The following SLC1A1 variants were observed in gnomAD, a reference collection of about 807,000 sequenced individuals.
The protein encoded by SLC1A1 is solute carrier family 1 member 1.
A neutral mutation model predicts 53.3 loss-of-function variants in SLC1A1; 43 were observed. The observed-to-expected ratio is 0.81, with a 90% CI of 0.63 to 1.04. SLC1A1 has a LOEUF of 1.04. Among genes scored for constraint, SLC1A1 ranks in the 50% least tolerant of loss-of-function variants. The probability of loss-of-function intolerance (pLI) is 0.00; values close to 1 mark genes in which losing one functional copy is unlikely to be tolerated. For synonymous variants in SLC1A1, 307 were observed against 243.2 expected (o/e 1.26, Z -2.44); for missense variants, 748 against 664.9 (o/e 1.12, Z -1.37).
rs772885883 is a variant in SLC1A1 at position 4,576,775 on chromosome 9, T to C, written c.1193+12T>C. 3 of 1,611,362 alleles carry C rather than the reference T, an allele frequency of 1.9e-6. No individual in the cohort carries two copies. Among genetic ancestry groups the C allele is most frequent in the Non-Finnish European group, 2.5e-6 (3 of 1,177,980 alleles). ...ATCATCACCATCAGGTGGGGCATGGTGTCACATTCATTGTCATCACTGATA... is the reference window on the plus strand; with the variant it reads ...ATCATCACCATCAGGTGGGGCATGGCGTCACATTCATTGTCATCACTGATA... On this transcript the variant is annotated intron_variant, in intron 10 of 11. Transcript: ENST00000262352.
Position 4,585,605 on chromosome 9 carries a change from A to G in SLC1A1, c.*47A>G. The G allele has an allele frequency of 6.2e-7, 1 of 1,612,240 alleles. No individual in the cohort carries two copies. Among genetic ancestry groups the G allele is most frequent in the Admixed American group, 1.7e-5 (1 of 60,026 alleles). On this transcript the variant is annotated 3_prime_UTR_variant, in exon 12 of 12. Transcript: ENST00000262352. ...GGAAACAAGGAAGGACATTTCCGTG[A>G]GAGTCATCTCAAACACTGCTTAAGG...
rs1327132836 is a variant in SLC1A1 at position 4,544,557 on chromosome 9, T to C, written c.92-10T>C. ...TCCTCTTCCTTCTTTCCAACTCTTGTTTTCCTTAGGCATTACCACAGGAGT... is the reference window on the plus strand; with the variant it reads ...TCCTCTTCCTTCTTTCCAACTCTTGCTTTCCTTAGGCATTACCACAGGAGT... On this transcript the variant is annotated splice_polypyrimidine_tract_variant and intron_variant, in intron 1 of 11. Transcript: ENST00000262352. The C allele has an allele frequency of 3.7e-6, 6 of 1,612,892 alleles. No homozygotes were observed. The highest frequency in any genetic ancestry group is 1.1e-5 in the South Asian group (1 of 91,068).
At chr9:4,512,556 T>G (rs1821033159) in intron 1 of SLC1A1, among the ~76,000 whole-genome samples, 1 of 151,900 alleles carries the variant, frequency 6.6e-6, no homozygotes, top group Non-Finnish European at 1.5e-5. Flanking sequence ...ATAAAGGCAT[T>G]AGAAGAGCTA....
chr9:4,554,630 AG>A (rs1818209030), intron 2 of SLC1A1, among the ~76,000 whole-genome samples: 1 of 152,180 alleles, frequency 6.6e-6, no homozygotes, highest in Non-Finnish European at 1.5e-5. Context: ...AAGAGGCTGG[AG>A]GAGGGGATGA....
chr9:4,491,686 C>A, intron 1 of SLC1A1, among the ~76,000 whole-genome samples: 1 of 152,144 alleles, frequency 6.6e-6, no homozygotes, highest in East Asian at 1.9e-4. Context: ...TTGGGATTAG[C>A]GCCATATCTG....
chr9:4,513,012 A>G (rs957962799), intron 1 of SLC1A1, among the ~76,000 whole-genome samples: 11 of 152,228 alleles, frequency 7.2e-5, no homozygotes, highest in Non-Finnish European at 1.3e-4. Context: ...TGGAACAACT[A>G]GACATCATAT....
At chr9:4,536,562 TG>T (rs1457318388) in intron 1 of SLC1A1, among the ~76,000 whole-genome samples, 1 of 152,162 alleles carries the variant, frequency 6.6e-6, no homozygotes, top group Non-Finnish European at 1.5e-5. Flanking sequence ...GGAGAGGATG[TG>T]GAGAAACAGG....
At chr9:4,504,222 TG>T (rs1031336520) in intron 1 of SLC1A1, among the ~76,000 whole-genome samples, 9 of 152,196 alleles carry the variant, frequency 5.9e-5, no homozygotes, top group Non-Finnish European at 1.3e-4. Context: ...GGCTACAGCT[TG>T]GCACTGAATC....
At chr9:4,552,712 T>G (rs913314953) in intron 2 of SLC1A1, among the ~76,000 whole-genome samples, 2 of 151,984 alleles carry the variant, frequency 1.3e-5, no homozygotes, top group African/African-American at 4.8e-5. Flanking sequence ...TGAATCCTGG[T>G]TCTGCCATGG....
intron 1 of SLC1A1, among the ~76,000 whole-genome samples, chr9:4,537,944 CA>C (rs60448969): frequency 0.085 from 12,872 of 151,916 alleles, 679 homozygotes; most frequent in African/African-American, 0.15. Context: ...AAAAAATTTA[CA>C]AAAAACTACA....
intron 1 of SLC1A1, among the ~76,000 whole-genome samples, chr9:4,540,140 T>C (rs921220465): frequency 6.6e-6 from 1 of 152,052 alleles, no homozygotes; most frequent in African/African-American, 2.4e-5. Context: ...CAGCTAGACA[T>C]TGGAGAGAAG....
intron 10 of SLC1A1, among the ~76,000 whole-genome samples, chr9:4,580,757 AGTT>A (rs1010340945): frequency 6.6e-6 from 1 of 151,888 alleles, no homozygotes; most frequent in Non-Finnish European, 1.5e-5. Context: ...TTGTTGTAAT[AGTT>A]GTTGTTTTGG....
At chr9:4,551,421 T>C (rs1817919934) in intron 2 of SLC1A1, among the ~76,000 whole-genome samples, 1 of 152,288 alleles carries the variant, frequency 6.6e-6, no homozygotes, top group Non-Finnish European at 1.5e-5. Flanking sequence ...ACCACTCACA[T>C]GGTCATGGAG....
chr9:4,522,213 G>T (rs184524300), intron 1 of SLC1A1, among the ~76,000 whole-genome samples: 9 of 151,670 alleles, frequency 5.9e-5, no homozygotes, highest in Non-Finnish European at 1.0e-4. Context: ...CACCACGCCC[G>T]GCTAATTTTT....
chr9:4,571,374 A>C (rs1312422176), intron 6 of SLC1A1, among the ~76,000 whole-genome samples: 1 of 152,016 alleles, frequency 6.6e-6, no homozygotes, highest in African/African-American at 2.4e-5. Flanking sequence ...TGAATGTAAA[A>C]GTTTTTTTAA....
At position 4,567,752 on chromosome 9, in the gene SLC1A1, A is replaced by G; in HGVS notation, c.567A>G (p.Thr189=). The change falls in exon 6 of 12, where the codon ACA becomes ACG. Residue 189 remains threonine (T), a synonymous_variant. Transcript: ENST00000262352. ...MTEESFTAVM[T]TAISKNKTKE... is the part of the protein sequence containing the mutation. ...AAGAGTCCTTCACAGCTGTCATGAC[A>G]ACTGCAATTTCCAAGGTACCATTCT... 1 of 1,606,854 alleles carries G rather than the reference A, an allele frequency of 6.2e-7. No individual in the cohort carries two copies. Among genetic ancestry groups the G allele is most frequent in the Non-Finnish European group, 8.5e-7 (1 of 1,173,544 alleles).
At chr9:4,574,572 G>C (rs1262320793) in intron 8 of SLC1A1, among the ~76,000 whole-genome samples, 1 of 152,164 alleles carries the variant, frequency 6.6e-6, no homozygotes, top group Admixed American at 6.5e-5. Flanking sequence ...GGCCTTTTTG[G>C]AAGCCATTAA....
intron 8 of SLC1A1, 118 bp downstream of exon 8, chr9:4,574,132 G>C (rs1820328253): frequency 1.3e-6 from 1 of 763,834 alleles, no homozygotes. Flanking sequence ...GGAAAGATAG[G>C]GTTCAGAGAT....
Position 4,544,695 on chromosome 9 carries a change from A to C in SLC1A1, c.220A>C (p.Ser74Arg). ...CATCATTTTGCCATTAATTATATCC[A>C]GCATGATTACAGGTACCTTGAGAAA... ...KLIILPLIIS[S>R]MITGVAALDS... is the part of the protein sequence containing the mutation. Residue 74 changes from serine to arginine, a missense_variant, in exon 2 of 12, where the codon AGC becomes CGC. Transcript: ENST00000262352. 1 of 1,613,416 alleles carries C rather than the reference A, an allele frequency of 6.2e-7. No individual in the cohort carries two copies. The highest frequency in any genetic ancestry group is 8.5e-7 in the Non-Finnish European group (1 of 1,179,426).
Sources: allele counts gnomAD v4.1 joint callset (sites outside exome capture counted in the v4.1 genomes callset), GRCh38; gene constraint gnomAD v4.1.1; transcripts MANE v1.5; gene names NCBI Gene and HGNC (gene_info 2026-07-23, HGNC 2026-07-21).